Variants in ZNF892 observed in about 807,000 individuals in gnomAD.
The protein encoded by ZNF892 is zinc finger protein 570-like.
At chr2:95,239,340 A>C in the ZNF892 span, among the ~76,000 whole-genome samples, 1 of 152,194 alleles carries the variant, frequency 6.6e-6, no homozygotes, top group Admixed American at 6.5e-5. Flanking sequence ...AGAATGTTAC[A>C]TAAACTTAGT....
chr2:95,218,847 G>A, the ZNF892 span, among the ~76,000 whole-genome samples: 16 of 152,192 alleles, frequency 1.1e-4, no homozygotes, highest in African/African-American at 3.6e-4. Context: ...AATTGGATTG[G>A]GACCCCACCT....
chr2:95,215,724 A>T, the ZNF892 span: 3 of 397,240 alleles, frequency 7.6e-6, no homozygotes, highest in African/African-American at 6.2e-5. Context: ...GTCATTGCTG[A>T]TGTGGGAGGT....
chr2:95,220,034 C>T, the ZNF892 span, among the ~76,000 whole-genome samples: 2 of 152,154 alleles, frequency 1.3e-5, no homozygotes, highest in African/African-American at 4.8e-5. Flanking sequence ...ACTGAAACCA[C>T]ACCAGTAAGG....
chr2:95,258,163 G>A, the ZNF892 span, among the ~76,000 whole-genome samples: 1 of 152,216 alleles, frequency 6.6e-6, no homozygotes, highest in African/African-American at 2.4e-5. Flanking sequence ...CGTCGCTCAC[G>A]CTGGGAGCTG....
chr2:95,254,097 G>A, the ZNF892 span, among the ~76,000 whole-genome samples: 1 of 152,110 alleles, frequency 6.6e-6, no homozygotes, highest in Non-Finnish European at 1.5e-5. Flanking sequence ...GATTGCCCTG[G>A]CCAGAACTTC....
At chr2:95,222,101 T>A in the ZNF892 span, among the ~76,000 whole-genome samples, 1 of 152,168 alleles carries the variant, frequency 6.6e-6, no homozygotes, top group Non-Finnish European at 1.5e-5. Context: ...AAATTCCACC[T>A]GTGCTGCTTT....
chr2:95,231,770 G>A, the ZNF892 span, among the ~76,000 whole-genome samples: 1 of 151,894 alleles, frequency 6.6e-6, no homozygotes, highest in Non-Finnish European at 1.5e-5. Flanking sequence ...TTTTTTTTAG[G>A]GATTTGTTTG....
chr2:95,210,075 A>C, the ZNF892 span, among the ~76,000 whole-genome samples: 509 of 151,198 alleles, frequency 3.4e-3, 2 homozygotes, highest in Non-Finnish European at 5.8e-3. Flanking sequence ...ATTCATATAT[A>C]TATGTATATA....
the ZNF892 span, among the ~76,000 whole-genome samples, chr2:95,210,563 T>G: frequency 6.6e-6 from 1 of 152,224 alleles, no homozygotes; most frequent in Admixed American, 6.5e-5. Context: ...TTTCAATGTT[T>G]AATAGGCTTC....
the ZNF892 span, among the ~76,000 whole-genome samples, chr2:95,225,933 A>G: frequency 6.6e-6 from 1 of 152,126 alleles, no homozygotes; most frequent in Admixed American, 6.5e-5. Context: ...AAGCAAGTCC[A>G]CTCTGTGGCT....
chr2:95,258,080 C>G, the ZNF892 span, among the ~76,000 whole-genome samples: 1 of 152,148 alleles, frequency 6.6e-6, no homozygotes, highest in Non-Finnish European at 1.5e-5. Context: ...CTCTCCTGCA[C>G]CCACTGTCCA....
At chr2:95,220,913 C>T in the ZNF892 span, among the ~76,000 whole-genome samples, 2 of 152,154 alleles carry the variant, frequency 1.3e-5, no homozygotes, top group African/African-American at 2.4e-5. Flanking sequence ...ATGAGAAGCA[C>T]TGGAGAACTG....
the ZNF892 span, among the ~76,000 whole-genome samples, chr2:95,225,763 T>C: frequency 6.6e-6 from 1 of 152,192 alleles, no homozygotes; most frequent in East Asian, 1.9e-4. Flanking sequence ...AAATCAGATA[T>C]GGGTGAGACT....
At chr2:95,227,922 C>T in the ZNF892 span, among the ~76,000 whole-genome samples, 4 of 152,168 alleles carry the variant, frequency 2.6e-5, no homozygotes, top group South Asian at 2.1e-4. Flanking sequence ...CCAACATAAT[C>T]GCAATGCTGT....
At chr2:95,240,789 C>T in the ZNF892 span, among the ~76,000 whole-genome samples, 16 of 152,276 alleles carry the variant, frequency 1.1e-4, no homozygotes, top group East Asian at 2.3e-3. Flanking sequence ...GGCAGCTGAA[C>T]CACCTCTGTG....
the ZNF892 span, among the ~76,000 whole-genome samples, chr2:95,212,917 G>A: frequency 6.6e-6 from 1 of 152,244 alleles, no homozygotes; most frequent in Admixed American, 6.5e-5. Flanking sequence ...TATATGCTAA[G>A]CAAAGATAGC....
chr2:95,214,235 AC>A, the ZNF892 span: 1 of 396,868 alleles, frequency 2.5e-6, no homozygotes, highest in Non-Finnish European at 4.4e-6. Context: ...AATATTCCTA[AC>A]AAAGAATGAA....
At chr2:95,213,089 GC>G in the ZNF892 span, among the ~76,000 whole-genome samples, 1 of 152,154 alleles carries the variant, frequency 6.6e-6, no homozygotes, top group Non-Finnish European at 1.5e-5. Flanking sequence ...CCATTGAGTT[GC>G]TTACTCTGCC....
the ZNF892 span, among the ~76,000 whole-genome samples, chr2:95,213,417 T>C: frequency 1.1e-4 from 16 of 152,334 alleles, no homozygotes; most frequent in Middle Eastern, 3.4e-3. Flanking sequence ...TTAAAGACCA[T>C]TTAAGCTTGG....
Sources: gnomAD v4.1 joint callset for allele counts (sites outside exome capture counted in the v4.1 genomes callset) on GRCh38, gnomAD v4.1.1 for gene constraint, MANE v1.5 for transcripts, NCBI Gene and HGNC (gene_info 2026-07-23, HGNC 2026-07-21) for gene names.